The following ATP9A variants were observed in gnomAD, a reference collection of about 807,000 sequenced individuals.
ATP9A encodes the protein ATPase phospholipid transporting 9A, also known as probable phospholipid-transporting ATPase IIA.
ATP9A carries 52 observed loss-of-function variants against 144.1 expected under a neutral mutation model. The ratio of observed to expected loss-of-function variants is 0.36; its 90% CI spans 0.29 to 0.45. The LOEUF (loss-of-function observed/expected upper bound fraction) is 0.45, where lower values mean the gene tolerates loss of function less well. Among genes scored for constraint, ATP9A ranks in the 20% least tolerant of loss-of-function variants. ATP9A has a pLI of 1.00. For missense variants in ATP9A, 947 were observed against 1,392.7 expected (o/e 0.68, Z 5.09); for synonymous variants, 582 against 557.4 (o/e 1.04, Z -0.62).
chr20:51,612,245 A>C (rs991971899), intron 23 of ATP9A, among the ~76,000 whole-genome samples: 2 of 152,200 alleles, frequency 1.3e-5, no homozygotes, highest in Non-Finnish European at 2.9e-5. Context: ...GGCCAGAAGG[A>C]GACGTGAGTT....
chr20:51,717,886 G>A (rs2077669116), intron 3 of ATP9A, among the ~76,000 whole-genome samples: 1 of 151,822 alleles, frequency 6.6e-6, no homozygotes, highest in South Asian at 2.1e-4. Flanking sequence ...CCCGGGAGGT[G>A]GAGGCTGCAG....
At position 51,708,750 on chromosome 20, in the gene ATP9A, T is replaced by C. The variant is rs567801048; in HGVS notation, c.436+4216A>G. On this transcript the variant is annotated intron_variant, in intron 4 of 27. Coordinates refer to ENST00000338821, the MANE Select transcript of ATP9A (RefSeq NM_006045.3). ...GACTCCGTCTCAATAAATAAACAAA[T>C]AAATAAATAAATAAATCTAGTTTTG... Among the ~76,000 whole-genome samples the C allele has an allele frequency of 1.1e-4, 17 of 151,942 alleles. No homozygotes were observed. In the South Asian group the frequency reaches 1.5e-3, roughly 13 times the overall value.
At chr20:51,689,998 G>C (rs6021385) in intron 8 of ATP9A, among the ~76,000 whole-genome samples, 37,576 of 150,138 alleles carry the variant, frequency 0.25, 4,977 homozygotes, top group Non-Finnish European at 0.28. Context: ...TGGAATCCCA[G>C]CTACTCAGGA....
intron 9 of ATP9A, among the ~76,000 whole-genome samples, chr20:51,682,063 A>T (rs1181105658): frequency 2.0e-5 from 3 of 152,010 alleles, no homozygotes; most frequent in African/African-American, 7.2e-5. Context: ...TAGTCACACA[A>T]ATGTGTTACC....
At chr20:51,631,033 T>C (rs2077267854) in intron 15 of ATP9A, among the ~76,000 whole-genome samples, 2 of 152,156 alleles carry the variant, frequency 1.3e-5, no homozygotes, top group African/African-American at 4.8e-5. Flanking sequence ...ACCACGCTTC[T>C]ATCTGTAAGT....
At chr20:51,727,125 C>G (rs2077717947) in intron 2 of ATP9A, among the ~76,000 whole-genome samples, 1 of 151,348 alleles carries the variant, frequency 6.6e-6, no homozygotes, top group Non-Finnish European at 1.5e-5. Context: ...AACCCCGTCT[C>G]TACAAAAATA....
At chr20:51,676,612 TG>T (rs1353477263) in intron 9 of ATP9A, among the ~76,000 whole-genome samples, 2 of 152,108 alleles carry the variant, frequency 1.3e-5, no homozygotes, top group Admixed American at 6.6e-5. Context: ...CGGAGTAGCT[TG>T]GATTACAGGC....
At chr20:51,607,729 C>T (rs949603512) in intron 25 of ATP9A, 145 bp from the exon 26 acceptor site, 9 of 619,710 alleles carry the variant, frequency 1.5e-5, no homozygotes, top group Admixed American at 5.5e-5. Context: ...CATCTGAACA[C>T]ATTGGAGGAA....
intron 2 of ATP9A, among the ~76,000 whole-genome samples, chr20:51,727,900 C>G (rs996000727): frequency 6.7e-6 from 1 of 149,506 alleles, no homozygotes; most frequent in Non-Finnish European, 1.5e-5. Context: ...CATTGTGCAC[C>G]AGCCTGGGCA....
chr20:51,656,938 C>A lies in ATP9A; in HGVS notation c.1506G>T (p.Glu502Asp). 1 of 1,613,260 alleles carries A rather than the reference C, an allele frequency of 6.2e-7. No individual in the cohort carries two copies. Among genetic ancestry groups the A allele is most frequent in the Non-Finnish European group, 8.5e-7 (1 of 1,179,738 alleles). Residue 502 changes from glutamate (E) to aspartate (D), a missense_variant and splice_region_variant, in exon 14 of 28, where the codon GAG becomes GAT. Transcript: ENST00000338821. Reference sequence around the variant, plus strand: ...CCTTGCTGCACCTGCCCAGGTTTACCTCATCGGGGCTGGATGCCTGGTATA... The same window carrying A: ...CCTTGCTGCACCTGCCCAGGTTTACATCATCGGGGCTGGATGCCTGGTATA... The part of the protein sequence containing the change: ...CRVYQASSPD[E>D]VALVQWTESV...
intron 13 of ATP9A, among the ~76,000 whole-genome samples, chr20:51,663,807 A>AC (rs1463060896): frequency 6.6e-6 from 1 of 151,732 alleles, no homozygotes; most frequent in African/African-American, 2.4e-5. Flanking sequence ...AAAAAAAAAA[A>AC]AAAAACAAGA....
chr20:51,602,880 A>G (rs2077148640), intron 27 of ATP9A, among the ~76,000 whole-genome samples: 1 of 152,124 alleles, frequency 6.6e-6, no homozygotes, highest in African/African-American at 2.4e-5. Context: ...AATATTATAT[A>G]TACATCTCCT....
In ATP9A at chr20:51,620,382, C is replaced by A. The variant is rs142872738; in HGVS notation, c.2116-1339G>T. ...CTATGTTTTCTAAAGTCACTGTGAA[C>A]ACTGAATTAGCAAATACTAAACCAT... On this transcript the variant is annotated intron_variant, in intron 19 of 27. Coordinates refer to ENST00000338821, the MANE Select transcript of ATP9A (RefSeq NM_006045.3). 3.4e-4 allele frequency among the ~76,000 whole-genome samples: 52 copies of A among 152,314 alleles called. No individual in the cohort carries two copies. In the East Asian group the frequency reaches 9.4e-3, roughly 28 times the overall value.
At chr20:51,735,632 A>G (rs1343028325) in intron 1 of ATP9A, among the ~76,000 whole-genome samples, 2 of 152,236 alleles carry the variant, frequency 1.3e-5, no homozygotes, top group Non-Finnish European at 2.9e-5. Flanking sequence ...TGTTTGGCAC[A>G]GGATAAAATA....
At chr20:51,661,395 A>C (rs540320202) in intron 13 of ATP9A, among the ~76,000 whole-genome samples, 1 of 150,424 alleles carries the variant, frequency 6.6e-6, no homozygotes, top group South Asian at 2.1e-4. Flanking sequence ...ACAGGGTCTC[A>C]CTCTGTTGCC....
intron 16 of ATP9A, 98 bp from the exon 17 acceptor site, chr20:51,627,781 G>A (rs1200457034): frequency 1.0e-6 from 1 of 986,392 alleles, no homozygotes; most frequent in Admixed American, 2.0e-5. Context: ...CTCCCACAGG[G>A]TCAGAGAAAA....
chr20:51,621,265 T>A (rs1001445567), intron 19 of ATP9A, among the ~76,000 whole-genome samples: 1 of 152,056 alleles, frequency 6.6e-6, no homozygotes, highest in African/African-American at 2.4e-5. Context: ...ACAAAGAATC[T>A]GTGAATGATG....
intron 9 of ATP9A, 36 bp downstream of exon 9, chr20:51,689,028 C>G: frequency 6.2e-7 from 1 of 1,602,900 alleles, no homozygotes; most frequent in Non-Finnish European, 8.5e-7. Flanking sequence ...CTTTCCTTTT[C>G]AAATTGCTAC....
At chr20:51,610,242 T>C in intron 23 of ATP9A, 77 bp from the exon 24 acceptor site, 1 of 1,224,724 alleles carries the variant, frequency 8.2e-7, no homozygotes, top group Non-Finnish European at 1.2e-6. Context: ...AAATAACACC[T>C]GATACTTACA....
Sources: allele counts gnomAD v4.1 joint callset (sites outside exome capture counted in the v4.1 genomes callset), GRCh38; gene constraint gnomAD v4.1.1; transcripts MANE v1.5; gene names NCBI Gene and HGNC (gene_info 2026-07-23, HGNC 2026-07-21).